The following CD300C variants were observed in gnomAD, a reference collection of about 807,000 sequenced individuals.
The protein encoded by CD300C is CD300c molecule.
Under a neutral mutation model 18.4 loss-of-function variants are expected in CD300C, and 11 were observed. The observed-to-expected ratio is 0.60, with a 90% CI of 0.38 to 0.99. The LOEUF is 0.99. Among genes scored for constraint, CD300C ranks in the 50% least tolerant of loss-of-function variants. The probability of loss-of-function intolerance (pLI) is 0.01; values close to 1 mark genes in which losing one functional copy is unlikely to be tolerated. For missense variants in CD300C, 277 were observed against 287.4 expected, an observed-to-expected ratio of 0.96 and a Z score of 0.26; for synonymous variants, 116 against 116.3, an observed-to-expected ratio of 1.00 and a Z score of 0.02.
At chr17:74,535,007 GA>G in the CD300C span, among the ~76,000 whole-genome samples, 1 of 152,044 alleles carries the variant, frequency 6.6e-6, no homozygotes, top group South Asian at 2.1e-4. Context: ...ATGAGAATTA[GA>G]AAGAAAAACA....
At chr17:74,536,918 G>A (rs1044519340), downstream of CD300C, among the ~76,000 whole-genome samples, 1 of 151,704 alleles carries the variant, frequency 6.6e-6, no homozygotes. Context: ...TCATAATAAC[G>A]TTATAAGTAA....
chr17:74,542,712 G>A (rs1180325780), intron 3 of CD300C, 149 bp downstream of exon 3: 8 of 937,898 alleles, frequency 8.5e-6, no homozygotes, highest in Non-Finnish European at 1.3e-5. Flanking sequence ...ATCCCAAAAG[G>A]AGCGCCTGAC....
chr17:74,538,820 C>T (rs540125355), downstream of CD300C, among the ~76,000 whole-genome samples: 4 of 152,366 alleles, frequency 2.6e-5, no homozygotes, highest in East Asian at 7.7e-4. Context: ...GGCACCTGCC[C>T]TGTGGCTGCA....
Position 74,541,480 on chromosome 17 carries a change from G to A in CD300C, c.*109C>T. 1 of 761,190 alleles carries A rather than the reference G, an allele frequency of 1.3e-6. No homozygotes were observed. The highest frequency in any genetic ancestry group is 2.3e-6 in the Non-Finnish European group (1 of 428,428). The allele number at this position is 761,190 out of a possible 1,614,324, so 47.2% of individuals were successfully genotyped here. On this transcript the variant is annotated 3_prime_UTR_variant, in exon 4 of 4. Coordinates refer to ENST00000330793, the MANE Select transcript of CD300C (RefSeq NM_006678.5). ...GAAAAGGCTGAAGGAGGCTCACAAA[G>A]GATTCCAGGAGATGTGGAGAGAGCA...
chr17:74,537,478 A>G (rs1233718735), downstream of CD300C, among the ~76,000 whole-genome samples: 1 of 152,022 alleles, frequency 6.6e-6, no homozygotes, highest in Non-Finnish European at 1.5e-5. Context: ...AAATACAAAA[A>G]TTTAGCCGGA....
chr17:74,541,607 G>A lies in CD300C; in HGVS notation c.657C>T (p.Pro219=), dbSNP rs759980216. The A allele has an allele frequency of 5.0e-6, 8 of 1,613,340 alleles. No homozygotes were observed. The Middle Eastern group carries it at 6.6e-4, about 133-fold the overall frequency. ...QRSSRSRQNW[P]KGENQ ...GCAGATGCTACTGGTTCTCACCCTT[G>A]GGCCAATTCTGCCTGCTTCTAGAGC... The change falls in exon 4 of 4, where the codon CCC becomes CCT. Residue 219 remains proline (P), a synonymous_variant. Coordinates refer to ENST00000330793, the MANE Select transcript of CD300C (RefSeq NM_006678.5).
downstream of CD300C, among the ~76,000 whole-genome samples, chr17:74,539,657 T>C (rs1239602412): frequency 6.6e-6 from 1 of 152,134 alleles, no homozygotes; most frequent in Non-Finnish European, 1.5e-5. Flanking sequence ...GGCTCCAGGT[T>C]CACCTCGGTG....
chr17:74,543,044 T>G lies in CD300C; in HGVS notation c.401-57A>C, dbSNP rs1181828114. The G allele has an allele frequency of 3.2e-5, 52 of 1,603,138 alleles. 1 individual carries two copies. In the South Asian group the frequency reaches 4.4e-4, roughly 14 times the overall value. On this transcript the variant is annotated intron_variant, in intron 2 of 3. Transcript: ENST00000330793. ...CATCACATGGGTCTCCCACTTACTC[T>G]CACCTGTTCTGCTCCAATTTTCACA...
intron 2 of CD300C, 27 bp from the exon 3 acceptor site, chr17:74,543,014 G>A: frequency 6.2e-7 from 1 of 1,612,424 alleles, no homozygotes; most frequent in Non-Finnish European, 8.5e-7. Context: ...GGTCAACCTT[G>A]ATGACATCAC....
chr17:74,545,056 G>A, intron 1 of CD300C, 109 bp from the exon 2 acceptor site: 1 of 1,019,040 alleles, frequency 9.8e-7, no homozygotes, highest in Non-Finnish European at 1.4e-6. Flanking sequence ...GCAATGGCAG[G>A]CAGGCAGCCT....
chr17:74,540,828 G>C (rs1321959055), downstream of CD300C, among the ~76,000 whole-genome samples: 1 of 152,218 alleles, frequency 6.6e-6, no homozygotes, highest in Non-Finnish European at 1.5e-5. Flanking sequence ...TCCCCTTGAA[G>C]AAGGAGGAAG....
chr17:74,543,536 G>A (rs1003436581), intron 2 of CD300C, among the ~76,000 whole-genome samples: 6 of 152,198 alleles, frequency 3.9e-5, no homozygotes, highest in Admixed American at 6.5e-5. Flanking sequence ...GGGGATGCCC[G>A]GTGAAGCCTG....
At chr17:74,537,793 A>C (rs1908426300), downstream of CD300C, among the ~76,000 whole-genome samples, 1 of 152,118 alleles carries the variant, frequency 6.6e-6, no homozygotes, top group African/African-American at 2.4e-5. Flanking sequence ...GATGATGAAC[A>C]TAACAATCGG....
intron 2 of CD300C, 105 bp from the exon 3 acceptor site, chr17:74,543,092 T>A: frequency 1.4e-6 from 2 of 1,447,468 alleles, no homozygotes; most frequent in Non-Finnish European, 1.9e-6. Context: ...AATGATGTGC[T>A]GGACAGATGC....
In CD300C at chr17:74,541,722, T is replaced by C; in HGVS notation, c.542A>G (p.Asn181Ser). 6.2e-7 allele frequency: 1 copy of C among 1,613,650 alleles called. No individual in the cohort carries two copies. Among genetic ancestry groups the C allele is most frequent in the South Asian group, 1.1e-5 (1 of 91,048 alleles). ...PSPHPGSLFS[N>S]VRFLLLVLLE... ...GAGGACCAGGAGCAGGAAGCGGACA[T>C]TGCTGAACAGGGAGCTGTGGGGACA... The change falls in exon 4 of 4, where the codon AAT becomes AGT. Residue 181 changes from asparagine (N) to serine (S), a missense_variant. Transcript: ENST00000330793.
chr17:74,541,762 G>A (rs899814042), intron 3 of CD300C, 26 bp from the exon 4 acceptor site: 53 of 1,601,410 alleles, frequency 3.3e-5, no homozygotes, highest in Non-Finnish European at 4.3e-5. Context: ...GACAGGCAGT[G>A]AGTCACCTCC....
In CD300C at chr17:74,541,484, T is replaced by G. The variant is rs377022735; in HGVS notation, c.*105A>C. On this transcript the variant is annotated 3_prime_UTR_variant, in exon 4 of 4. Coordinates refer to ENST00000330793, the MANE Select transcript of CD300C (RefSeq NM_006678.5). ...AGGCTGAAGGAGGCTCACAAAGGAT[T>G]CCAGGAGATGTGGAGAGAGCAGCCC... The G allele has an allele frequency of 4.9e-5, 38 of 770,932 alleles. No homozygotes were observed. The highest frequency in any genetic ancestry group is 3.3e-4 in the South Asian group (22 of 67,624). 47.8% of individuals were successfully genotyped at this position (770,932 alleles called of 1,614,324 possible). A position where few individuals can be genotyped will look rare whatever the true frequency, so the allele number is the denominator to read the frequency against.
intron 3 of CD300C, among the ~76,000 whole-genome samples, chr17:74,542,320 G>T (rs1038424477): frequency 6.6e-6 from 1 of 152,120 alleles, no homozygotes; most frequent in East Asian, 1.9e-4. Context: ...CAGGGCCACC[G>T]GACCCCAGAG....
downstream of CD300C, among the ~76,000 whole-genome samples, chr17:74,538,061 T>G (rs1908433854): frequency 1.3e-5 from 2 of 152,218 alleles, no homozygotes; most frequent in Non-Finnish European, 2.9e-5. Context: ...AACTGGATGG[T>G]GGGCACACAC....
Sources: allele counts gnomAD v4.1 joint callset (sites outside exome capture counted in the v4.1 genomes callset), GRCh38; gene constraint gnomAD v4.1.1; transcripts MANE v1.5; gene names NCBI Gene and HGNC (gene_info 2026-07-23, HGNC 2026-07-21).